MITF: variants seen among roughly 807,000 people sequenced by gnomAD.
The protein encoded by MITF is melanocyte inducing transcription factor, also known as microphthalmia-associated transcription factor.
MITF carries 17 observed loss-of-function variants against 60.5 expected under a neutral mutation model. The observed-to-expected ratio is 0.28, with a 90% CI of 0.19 to 0.42. The LOEUF is 0.42. MITF is among the 10% of genes least tolerant of loss of function. The pLI is 1.00. For synonymous variants in MITF, 260 were observed against 248.5 expected (o/e 1.05, Z -0.43); for missense variants, 622 against 683.5 (o/e 0.91, Z 1.00).
chr3:69,930,338 G>A (rs755124243), intron 2 of MITF, among the ~76,000 whole-genome samples: 15 of 152,146 alleles, frequency 9.9e-5, no homozygotes, highest in Non-Finnish European at 1.0e-4. Flanking sequence ...AGAGTGAGAA[G>A]AAATGAAGAA....
At chr3:69,918,063 G>A (rs2065377784) in intron 2 of MITF, among the ~76,000 whole-genome samples, 2 of 151,826 alleles carry the variant, frequency 1.3e-5, no homozygotes, top group African/African-American at 2.4e-5. Context: ...GGGTTTTGGG[G>A]TTTTGTTTTT....
chr3:69,936,840 A>G, intron 2 of MITF: 2 of 1,276,348 alleles, frequency 1.6e-6, no homozygotes, highest in Non-Finnish European at 2.3e-6. Context: ...TGTAATAGAC[A>G]TACTGTTTTC....
intron 9 of MITF, among the ~76,000 whole-genome samples, chr3:69,963,174 G>A (rs1256406060): frequency 6.6e-6 from 1 of 152,126 alleles, no homozygotes; most frequent in Non-Finnish European, 1.5e-5. Context: ...ACATTCAAAT[G>A]TTTTCCAGGA....
chr3:69,849,033 C>G (rs1244297752), intron 1 of MITF, among the ~76,000 whole-genome samples: 2 of 135,072 alleles, frequency 1.5e-5, no homozygotes, highest in East Asian at 4.3e-4. Context: ...GGCGGGATCT[C>G]GGCTCACTGC....
intron 1 of MITF, among the ~76,000 whole-genome samples, chr3:69,780,854 G>A (rs1013734869): frequency 2.0e-5 from 3 of 152,164 alleles, no homozygotes; most frequent in Admixed American, 6.5e-5. Flanking sequence ...AATGCAAGTT[G>A]CTCCAGACCA....
intron 1 of MITF, among the ~76,000 whole-genome samples, chr3:69,868,628 C>T (rs1355378067): frequency 6.6e-6 from 1 of 151,996 alleles, no homozygotes; most frequent in Non-Finnish European, 1.5e-5. Flanking sequence ...TGGCTGGGCG[C>T]GGTGGCTCAC....
chr3:69,964,045 C>T (rs1025357048), intron 9 of MITF, among the ~76,000 whole-genome samples: 4 of 133,496 alleles, frequency 3.0e-5, no homozygotes, highest in Admixed American at 8.8e-5. Context: ...GGCGCAATCT[C>T]GGCTCACTGC....
intron 1 of MITF, among the ~76,000 whole-genome samples, chr3:69,820,389 G>A (rs2107043321): frequency 6.6e-6 from 1 of 152,224 alleles, no homozygotes; most frequent in Non-Finnish European, 1.5e-5. Context: ...ATCAGATATG[G>A]AATCCAAACC....
At chr3:69,766,376 ATTTTTTTT>A (rs753953309) in intron 1 of MITF, among the ~76,000 whole-genome samples, 2 of 95,122 alleles carry the variant, frequency 2.1e-5, no homozygotes, top group African/African-American at 4.5e-5. Context: ...TGCCCAGCTA[ATTTTTTTT>A]TTTTTTTTTT....
At chr3:69,756,591 A>G (rs1704157012) in intron 1 of MITF, among the ~76,000 whole-genome samples, 1 of 152,170 alleles carries the variant, frequency 6.6e-6, no homozygotes, top group Admixed American at 6.5e-5. Flanking sequence ...GCTGCAATAA[A>G]CATACATGTA....
chr3:69,792,990 G>C (rs1229698214), intron 1 of MITF, among the ~76,000 whole-genome samples: 4 of 96,180 alleles, frequency 4.2e-5, no homozygotes, highest in African/African-American at 1.6e-4. Context: ...ATGGGCTAAA[G>C]TCTTTAGCTT....
intron 1 of MITF, chr3:69,778,984 A>ATATAATTAT (rs1319870206): frequency 5.9e-5 from 9 of 152,226 alleles, no homozygotes; most frequent in Admixed American, 5.9e-4. Context: ...TCTGTGAAGA[A>ATATAATTAT]TATAATTATT....
intron 1 of MITF, among the ~76,000 whole-genome samples, chr3:69,741,813 TGTC>T (rs1315751673): frequency 5.9e-5 from 9 of 152,242 alleles, no homozygotes; most frequent in Non-Finnish European, 1.3e-4. Context: ...TCTAAGGTAT[TGTC>T]GTCGACATCT....
At chr3:69,853,677 A>T (rs898725454) in intron 1 of MITF, among the ~76,000 whole-genome samples, 15 of 152,202 alleles carry the variant, frequency 9.9e-5, no homozygotes, top group African/African-American at 3.4e-4. Flanking sequence ...AGAATCGTTG[A>T]CTACATCACT....
chr3:69,755,553 G>A (rs1031631002), intron 1 of MITF, among the ~76,000 whole-genome samples: 3 of 133,160 alleles, frequency 2.3e-5, no homozygotes, highest in African/African-American at 5.6e-5. Context: ...GAATATGATA[G>A]TTTGCTTTTC....
At chr3:69,964,792 TA>T in intron 9 of MITF, 54 bp from the exon 10 acceptor site, 1 of 1,583,258 alleles carries the variant, frequency 6.3e-7, no homozygotes, top group Non-Finnish European at 8.7e-7. Flanking sequence ...TTCACAGGCT[TA>T]AAAGTCCTCT....
intron 2 of MITF, among the ~76,000 whole-genome samples, chr3:69,915,037 T>C (rs2107402995): frequency 6.6e-6 from 1 of 152,330 alleles, no homozygotes; most frequent in East Asian, 1.9e-4. Flanking sequence ...TAGGTTCTAA[T>C]GAAATGTAAA....
At chr3:69,953,688 GAC>G (rs765400750) in intron 7 of MITF, among the ~76,000 whole-genome samples, 86 of 139,572 alleles carry the variant, frequency 6.2e-4, no homozygotes, top group South Asian at 2.1e-3. Flanking sequence ...GAGAGAGAGA[GAC>G]AGAGACAGAG....
chr3:69,835,874 T>C (rs1330061959), intron 1 of MITF, among the ~76,000 whole-genome samples: 1 of 152,216 alleles, frequency 6.6e-6, no homozygotes, highest in Non-Finnish European at 1.5e-5. Context: ...TTTTGATTAC[T>C]ATAATTTTGT....
Sources: gnomAD v4.1 joint callset for allele counts (sites outside exome capture counted in the v4.1 genomes callset) on GRCh38, gnomAD v4.1.1 for gene constraint, MANE v1.5 for transcripts, NCBI Gene and HGNC (gene_info 2026-07-23, HGNC 2026-07-21) for gene names.